The following PCDH11X variants were observed in gnomAD, a reference collection of about 807,000 sequenced individuals.
PCDH11X encodes protocadherin-11 X-linked.
PCDH11X carries 18 observed loss-of-function variants against 53.3 expected under a neutral mutation model. The ratio of observed to expected loss-of-function variants is 0.34; its 90% CI spans 0.23 to 0.50. The LOEUF is 0.50. Ranked by LOEUF, PCDH11X falls within the 20% of genes least tolerant of loss-of-function variation. The pLI, the probability that PCDH11X is intolerant of heterozygous loss-of-function variation, is 0.98. For synonymous variants in PCDH11X, 279 were observed against 393.3 expected, an observed-to-expected ratio of 0.71 and a Z score of 3.44; for missense variants, 570 against 1,032.4, an observed-to-expected ratio of 0.55 and a Z score of 6.14.
At chrX:92,563,068 T>G (rs1385484793) in intron 10 of PCDH11X, among the ~76,000 whole-genome samples, 4 of 84,968 alleles carry the variant, frequency 4.7e-5, no homozygotes, top group East Asian at 7.2e-4. Context: ...TTTTTTTTTT[T>G]TTTTTTTTTT....
chrX:92,444,637 C>T (rs2072592447), intron 9 of PCDH11X, among the ~76,000 whole-genome samples: 1 of 105,112 alleles, frequency 9.5e-6, no homozygotes, highest in Non-Finnish European at 2.0e-5. Flanking sequence ...GGAGTGCTTC[C>T]AGCTTTTGTC....
At chrX:92,066,644 G>C (rs1490521808) in intron 6 of PCDH11X, among the ~76,000 whole-genome samples, 5 of 111,329 alleles carry the variant, frequency 4.5e-5, no homozygotes, top group Non-Finnish European at 9.4e-5. Flanking sequence ...GTTGTTCACT[G>C]TTCGCATATA....
intron 6 of PCDH11X, among the ~76,000 whole-genome samples, chrX:91,890,380 T>G (rs1940419226): frequency 9.0e-6 from 1 of 111,456 alleles, no homozygotes; most frequent in African/African-American, 3.3e-5. Flanking sequence ...TATATAATCT[T>G]TCATTTAGAA....
chrX:92,332,948 G>T (rs1349328165), intron 8 of PCDH11X, among the ~76,000 whole-genome samples: 2 of 112,015 alleles, frequency 1.8e-5, no homozygotes, highest in African/African-American at 3.2e-5. Context: ...AACAACTTGG[G>T]TTTATGTCTA....
chrX:92,499,371 C>T (rs866757003), intron 10 of PCDH11X, among the ~76,000 whole-genome samples: 1 of 84,164 alleles, frequency 1.2e-5, no homozygotes, highest in South Asian at 7.7e-4. Flanking sequence ...TAATTTTTGC[C>T]TAGATAAAGG....
chrX:91,787,053 G>T (rs1935358510), intron 1 of PCDH11X, among the ~76,000 whole-genome samples: 1 of 106,462 alleles, frequency 9.4e-6, no homozygotes, highest in Admixed American at 1.0e-4. Context: ...AAATAAAATG[G>T]TAGAACTATT....
intron 1 of PCDH11X, among the ~76,000 whole-genome samples, chrX:91,797,702 T>A (rs1254460516): frequency 9.3e-6 from 1 of 107,543 alleles, no homozygotes; most frequent in Non-Finnish European, 1.9e-5. Flanking sequence ...GTTTTATTTT[T>A]ATGTGGACAT....
intron 6 of PCDH11X, among the ~76,000 whole-genome samples, chrX:91,967,593 A>C (rs1360850851): frequency 9.1e-6 from 1 of 109,400 alleles, no homozygotes; most frequent in Non-Finnish European, 1.9e-5. Context: ...GGTGCCAAAA[A>C]GGTTGGGGAC....
At chrX:92,232,589 C>T (rs1407120496) in intron 7 of PCDH11X, among the ~76,000 whole-genome samples, 2 of 111,955 alleles carry the variant, frequency 1.8e-5, no homozygotes, top group Non-Finnish European at 3.8e-5. Flanking sequence ...GTGTGCTTGC[C>T]TACATGTATT....
intron 6 of PCDH11X, among the ~76,000 whole-genome samples, chrX:92,140,879 T>A (rs1348345744): frequency 1.8e-5 from 2 of 111,602 alleles, no homozygotes; most frequent in Non-Finnish European, 3.8e-5. Flanking sequence ...AATGAAGACA[T>A]ACTAATAAAT....
chrX:92,071,343 A>G (rs999820528), intron 6 of PCDH11X, among the ~76,000 whole-genome samples: 15 of 110,754 alleles, frequency 1.4e-4, no homozygotes, highest in Non-Finnish European at 2.1e-4. Flanking sequence ...TTTATCTGAT[A>G]AAATTCTGAA....
At chrX:91,820,596 C>G (rs200574444) in intron 4 of PCDH11X, among the ~76,000 whole-genome samples, 1 of 100,975 alleles carries the variant, frequency 9.9e-6, no homozygotes, top group Non-Finnish European at 1.9e-5. Flanking sequence ...GAGTAGGTTG[C>G]GAAAATTTTC....
chrX:91,933,537 A>C (rs191733886), intron 6 of PCDH11X, among the ~76,000 whole-genome samples: 1,164 of 111,504 alleles, frequency 0.01, 12 homozygotes, highest in African/African-American at 0.036. Flanking sequence ...ATTTCCACCC[A>C]TGATGAATTT....
At chrX:92,209,372 CA>C (rs754371281) in intron 7 of PCDH11X, among the ~76,000 whole-genome samples, 15 of 111,931 alleles carry the variant, frequency 1.3e-4, no homozygotes, top group African/African-American at 4.5e-4. Context: ...CCTCCTACTC[CA>C]AAAGAGAGAA....
intron 6 of PCDH11X, among the ~76,000 whole-genome samples, chrX:91,998,889 T>C (rs1177327406): frequency 9.2e-6 from 1 of 108,557 alleles, no homozygotes; most frequent in Non-Finnish European, 1.9e-5. Context: ...TGCATGTTTC[T>C]TTTCCTTTTA....
chrX:92,100,640 G>C (rs184247592), intron 6 of PCDH11X, among the ~76,000 whole-genome samples: 5,742 of 110,882 alleles, frequency 0.052, 368 homozygotes, highest in African/African-American at 0.16. Flanking sequence ...GGTCGTATCC[G>C]TGCAAGTCAC....
At position 92,357,129 on chromosome X, in the gene PCDH11X, TTAA is replaced by T. The variant is rs754893752; in HGVS notation, c.3145-30605_3145-30603del. ...TCACCCAAGGCCTCACTTTTTTTTTTTAAAAAAAAGCCTGATAACTTATATTGC... is the reference window on the plus strand; with the variant it reads ...TCACCCAAGGCCTCACTTTTTTTTTTAAAAAAGCCTGATAACTTATATTGC... On this transcript the variant is annotated intron_variant, in intron 8 of 10. Coordinates refer to ENST00000682573, the MANE Select transcript of PCDH11X (RefSeq NM_032968.5). Among the ~76,000 whole-genome samples, 706 of 95,133 alleles carry T rather than the reference TTAA, an allele frequency of 7.4e-3. 5 individuals carry two copies. The highest frequency in any genetic ancestry group is 0.012 in the Non-Finnish European group (548 of 45,680). The allele number at this position is 95,133 out of a possible 115,157, so 82.6% of individuals were successfully genotyped here.
rs764961470 is a variant in PCDH11X at position 92,058,945 on chromosome X, G to A, written c.3034-142430G>A. 5.4e-5 allele frequency among the ~76,000 whole-genome samples: 6 copies of A among 111,221 alleles called. No homozygotes were observed. The South Asian group carries it at 2.2e-3, about 42-fold the overall frequency. On this transcript the variant is annotated intron_variant, in intron 6 of 10. Coordinates refer to ENST00000682573, the MANE Select transcript of PCDH11X (RefSeq NM_032968.5). ...TGGTTTACACTGGTCATTAACAGTG[G>A]CAGGTTGTTGCAGAGGTGAGGAAAT...
chrX:92,107,707 G>C (rs750366448), intron 6 of PCDH11X, among the ~76,000 whole-genome samples: 4 of 112,164 alleles, frequency 3.6e-5, no homozygotes, highest in East Asian at 2.8e-4. Context: ...CCAAAACAAT[G>C]TATTTCTTAA....
Sources: gnomAD v4.1 joint callset for allele counts (sites outside exome capture counted in the v4.1 genomes callset) on GRCh38, gnomAD v4.1.1 for gene constraint, MANE v1.5 for transcripts, NCBI Gene and HGNC (gene_info 2026-07-23, HGNC 2026-07-21) for gene names.